STK17B: variants seen among roughly 807,000 people sequenced by gnomAD.
The protein encoded by STK17B is serine/threonine-protein kinase 17B.
Under a neutral mutation model 42.0 loss-of-function variants are expected in STK17B, and 21 were observed. That is an observed-to-expected ratio of 0.50 (90% CI 0.35 to 0.72). STK17B has a LOEUF of 0.72. Ranked by LOEUF, STK17B falls within the 30% of genes least tolerant of loss-of-function variation. The probability of loss-of-function intolerance (pLI) is 0.00; values close to 1 mark genes in which losing one functional copy is unlikely to be tolerated. For synonymous variants in STK17B, 143 were observed against 148.4 expected (o/e 0.96, Z 0.26); for missense variants, 349 against 446.0 (o/e 0.78, Z 1.96).
intron 4 of STK17B, among the ~76,000 whole-genome samples, chr2:196,145,560 G>C (rs1196267175): frequency 1.3e-5 from 2 of 152,178 alleles, no homozygotes; most frequent in Admixed American, 6.5e-5. Context: ...CAGAGATGGA[G>C]ATTACACAAT....
At chr2:196,160,725 A>G (rs1699801342) in intron 2 of STK17B, among the ~76,000 whole-genome samples, 1 of 152,204 alleles carries the variant, frequency 6.6e-6, no homozygotes, top group African/African-American at 2.4e-5. Context: ...GCCCATATCA[A>G]TTCAAAAGAA....
chr2:196,139,431 T>C (rs182770311), intron 7 of STK17B, among the ~76,000 whole-genome samples, 189 bp downstream of exon 7: 12 of 152,342 alleles, frequency 7.9e-5, no homozygotes, highest in African/African-American at 2.9e-4. Flanking sequence ...CTGTTGTATA[T>C]TTTATATCTG....
chr2:196,167,146 G>C (rs1171577406), intron 1 of STK17B, among the ~76,000 whole-genome samples: 3 of 152,112 alleles, frequency 2.0e-5, no homozygotes, highest in South Asian at 4.1e-4. Flanking sequence ...ACACAGAATG[G>C]CCTCTCCCCC....
Position 196,141,758 on chromosome 2 carries a change from G to A in STK17B, c.608-461C>T, listed in dbSNP as rs111547637. On this transcript the variant is annotated intron_variant, in intron 5 of 7. Transcript: ENST00000263955. ...GCACAGTATTAATTATCCTATGATT[G>A]GACATTTAAACATCCCTATTATTGA... is the stretch of plus-strand genomic sequence containing the variant. Among the ~76,000 whole-genome samples, 208 of 152,236 alleles carry A rather than the reference G, an allele frequency of 1.4e-3. 1 individual carries two copies. Among genetic ancestry groups the A allele is most frequent in the South Asian group, 4.6e-3 (22 of 4,826 alleles).
At chr2:196,143,334 T>C (rs926625968) in intron 5 of STK17B, among the ~76,000 whole-genome samples, 2 of 152,220 alleles carry the variant, frequency 1.3e-5, no homozygotes, top group Non-Finnish European at 2.9e-5. Flanking sequence ...ATTCAACTTG[T>C]ACACTTACAT....
At chr2:196,153,347 A>C (rs1287612100) in intron 3 of STK17B, 1 of 151,946 alleles carries the variant, frequency 6.6e-6, no homozygotes, top group Non-Finnish European at 1.5e-5. Context: ...TTGTTGGATA[A>C]AGTGAATAAG....
chr2:196,145,592 G>A (rs572798545), intron 4 of STK17B, among the ~76,000 whole-genome samples: 19 of 152,310 alleles, frequency 1.2e-4, no homozygotes, highest in Non-Finnish European at 2.5e-4. Context: ...GAGATAGACA[G>A]CATTTTAAAA....
At chr2:196,160,159 GCTAA>G (rs1284234063) in intron 2 of STK17B, among the ~76,000 whole-genome samples, 1 of 152,068 alleles carries the variant, frequency 6.6e-6, no homozygotes, top group Admixed American at 6.6e-5. Flanking sequence ...AAAAGGCAAG[GCTAA>G]CTAGATTTCC....
intron 6 of STK17B, among the ~76,000 whole-genome samples, chr2:196,140,577 CTTTTTTTTTTTTT>C (rs58205758): frequency 2.0e-5 from 2 of 101,478 alleles, no homozygotes; most frequent in Non-Finnish European, 3.9e-5. Context: ...CTTCTTCTAG[CTTTTTTTTTTTTT>C]TTTTTTTTTT....
At chr2:196,138,475 C>G (rs1007299258) in intron 7 of STK17B, among the ~76,000 whole-genome samples, 1 of 151,958 alleles carries the variant, frequency 6.6e-6, no homozygotes, top group African/African-American at 2.4e-5. Context: ...TTTTTGGGAT[C>G]TTCTCTAATT....
rs761357694 is a variant in STK17B at position 196,163,332 on chromosome 2, T to C, written c.52A>G (p.Thr18Ala). Residue 18 changes from threonine to alanine, a missense_variant, in exon 2 of 8, where the codon ACT becomes GCT. By Grantham distance (58) the Thr-to-Ala change is moderately conservative (BLOSUM62 0). This residue lies in a region of STK17B where 256 missense variants were observed against 347.7 expected (regional missense o/e 0.74). Coordinates refer to ENST00000263955, the MANE Select transcript of STK17B (RefSeq NM_004226.4). ...CRSISGLLTT[T>A]PQIPIKMENF... ...TCCATTTTTATTGGAATTTGAGGAG[T>C]TGTAGTTAGTAGGCCTGAAATACTT... 2.5e-6 allele frequency: 4 copies of C among 1,605,794 alleles called. No individual in the cohort carries two copies. The African/African-American group carries it at 5.4e-5, about 22-fold the overall frequency.
intron 5 of STK17B, among the ~76,000 whole-genome samples, chr2:196,142,337 T>C (rs550550108): frequency 7.5e-4 from 114 of 152,216 alleles, no homozygotes; most frequent in Non-Finnish European, 1.3e-3. Context: ...GGATTACAAG[T>C]GTGAGCCACT....
At chr2:196,162,624 G>A (rs1446019390) in intron 2 of STK17B, among the ~76,000 whole-genome samples, 4 of 152,008 alleles carry the variant, frequency 2.6e-5, no homozygotes, top group African/African-American at 7.2e-5. Flanking sequence ...TAGGCAGGGC[G>A]CAGGGGCTCA....
rs1412247459 is a variant in STK17B, at chr2:196,134,903, A to G, written c.*2544T>C. ...AAGAGTAAGAATTGAATCATTTGCTAAAAAGCTCTTAAATGATTGGTCTAT... is the reference window on the plus strand; with the variant it reads ...AAGAGTAAGAATTGAATCATTTGCTGAAAAGCTCTTAAATGATTGGTCTAT... On this transcript the variant is annotated 3_prime_UTR_variant, in exon 8 of 8. Coordinates refer to ENST00000263955, the MANE Select transcript of STK17B (RefSeq NM_004226.4). 1 of 152,232 alleles carries G rather than the reference A, an allele frequency of 6.6e-6. No homozygotes were observed. Among genetic ancestry groups the G allele is most frequent in the African/African-American group, 2.4e-5 (1 of 41,472 alleles). 9.4% of individuals were successfully genotyped at this position (152,232 alleles called of 1,614,324 possible).
At chr2:196,169,908 A>ATGT (rs1382618162) in intron 1 of STK17B, among the ~76,000 whole-genome samples, 1 of 152,212 alleles carries the variant, frequency 6.6e-6, no homozygotes, top group East Asian at 1.9e-4. Flanking sequence ...AAAAGATCTA[A>ATGT]AATGTACAAT....
chr2:196,169,719 C>T (rs533968739), intron 1 of STK17B, among the ~76,000 whole-genome samples: 4 of 152,270 alleles, frequency 2.6e-5, no homozygotes, highest in Admixed American at 2.0e-4. Context: ...TTCCTAAAAA[C>T]GCATTCTATC....
chr2:196,157,689 T>G (rs1010288763), intron 2 of STK17B, among the ~76,000 whole-genome samples: 3 of 152,180 alleles, frequency 2.0e-5, no homozygotes, highest in African/African-American at 7.2e-5. Context: ...TAAGGTCATG[T>G]TTATCATTTT....
intron 1 of STK17B, among the ~76,000 whole-genome samples, chr2:196,166,750 A>C (rs1699878496): frequency 6.6e-6 from 1 of 152,236 alleles, no homozygotes; most frequent in Non-Finnish European, 1.5e-5. Context: ...CACTTACTTG[A>C]ATGCAGAAAG....
chr2:196,163,053 G>A (rs1263387416), intron 2 of STK17B, among the ~76,000 whole-genome samples: 1 of 152,144 alleles, frequency 6.6e-6, no homozygotes, highest in African/African-American at 2.4e-5. Flanking sequence ...TCTGAGGCTA[G>A]GTAGGATGTA....
Sources: allele counts gnomAD v4.1 joint callset (sites outside exome capture counted in the v4.1 genomes callset), GRCh38; gene constraint gnomAD v4.1.1; regional missense constraint gnomAD v4.1.1; transcripts MANE v1.5; gene names NCBI Gene and HGNC (gene_info 2026-07-23, HGNC 2026-07-21).